The following MDFIC variants were observed in gnomAD, a reference collection of about 807,000 sequenced individuals.
MDFIC encodes MyoD family inhibitor domain containing, also known as myoD family inhibitor domain-containing protein.
MDFIC carries 17 observed loss-of-function variants against 23.2 expected under a neutral mutation model. The ratio of observed to expected loss-of-function variants is 0.73; its 90% CI spans 0.50 to 1.10. The LOEUF (loss-of-function observed/expected upper bound fraction) is 1.10. Ranked by LOEUF, MDFIC falls within the 50% of genes least tolerant of loss-of-function variation. The pLI is 0.00. For synonymous variants in MDFIC, 120 were observed against 115.2 expected, an observed-to-expected ratio of 1.04 and a Z score of -0.27; for missense variants, 356 against 316.6, an observed-to-expected ratio of 1.12 and a Z score of -0.95.
chr7:114,946,633 C>A (rs562796396), intron 3 of MDFIC, among the ~76,000 whole-genome samples: 1 of 152,236 alleles, frequency 6.6e-6, no homozygotes, highest in South Asian at 2.1e-4. Context: ...AAATGGTAAT[C>A]CCCATTCTAT....
At position 114,970,478 on chromosome 7, in the gene MDFIC, G is replaced by A. The variant is rs557576267; in HGVS notation, c.218-9028G>A. 3.6e-4 allele frequency among the ~76,000 whole-genome samples: 55 copies of A among 152,138 alleles called. 1 individual carries two copies. The highest frequency in any genetic ancestry group is 1.3e-3 in the African/African-American group (54 of 41,526). On this transcript the variant is annotated intron_variant, in intron 3 of 4. Transcript: ENST00000393486. The stretch of plus-strand genomic sequence containing the variant: ...TGTCAAATAATGATCTTTGACTCTG[G>A]TCCCTTGCTTTACCACTTTCGTTTT...
At chr7:114,997,875 T>C (rs1269095336) in intron 4 of MDFIC, among the ~76,000 whole-genome samples, 2 of 152,210 alleles carry the variant, frequency 1.3e-5, no homozygotes, top group Admixed American at 6.5e-5. Flanking sequence ...CACTATTTTT[T>C]ACAGTGACTT....
At chr7:114,938,784 T>G (rs1792482508) in intron 2 of MDFIC, among the ~76,000 whole-genome samples, 1 of 35,850 alleles carries the variant, frequency 2.8e-5, no homozygotes, top group Non-Finnish European at 5.3e-5. Context: ...TGTCTATGGG[T>G]TGTCTTTCAG....
chr7:114,990,819 G>A (rs950236667), intron 4 of MDFIC, among the ~76,000 whole-genome samples: 2 of 152,162 alleles, frequency 1.3e-5, no homozygotes, highest in African/African-American at 4.8e-5. Flanking sequence ...ACATGTGCAT[G>A]TGTCTTTATA....
intron 4 of MDFIC, among the ~76,000 whole-genome samples, chr7:114,993,595 T>C (rs1791239621): frequency 6.6e-6 from 1 of 152,232 alleles, no homozygotes; most frequent in Non-Finnish European, 1.5e-5. Flanking sequence ...TGCCTTCATT[T>C]AACAAAATGT....
rs186558618 is a variant in MDFIC, at chr7:114,994,243, C to T, written c.493+14462C>T. Among the ~76,000 whole-genome samples the T allele has an allele frequency of 2.4e-4, 36 of 151,652 alleles. 1 individual carries two copies. The highest frequency in any genetic ancestry group is 6.2e-4 in the South Asian group (3 of 4,804). ...CCCTTTATTTTGAGCCTATGTGTGT[C>T]TCTGCATGTGAGATGGGGCTCCTGA... On this transcript the variant is annotated intron_variant, in intron 4 of 4. Coordinates refer to ENST00000393486, the MANE Select transcript of MDFIC (RefSeq NM_001166345.3).
chr7:115,008,933 T>C (rs2116122133), intron 4 of MDFIC, among the ~76,000 whole-genome samples: 1 of 152,272 alleles, frequency 6.6e-6, no homozygotes, highest in African/African-American at 2.4e-5. Flanking sequence ...ACTGGGCAGG[T>C]GATAGTCGTA....
At chr7:114,973,390 T>C (rs1793246956) in intron 3 of MDFIC, among the ~76,000 whole-genome samples, 1 of 152,074 alleles carries the variant, frequency 6.6e-6, no homozygotes, top group African/African-American at 2.4e-5. Context: ...TGCTGCCAAC[T>C]GCAAAAAACA....
intron 3 of MDFIC, among the ~76,000 whole-genome samples, chr7:114,950,320 G>A (rs1012720961): frequency 6.6e-6 from 1 of 152,118 alleles, no homozygotes; most frequent in Non-Finnish European, 1.5e-5. Flanking sequence ...AGGATTAAAG[G>A]AATGACAGGT....
chr7:115,004,594 T>C (rs2116099801), intron 4 of MDFIC, among the ~76,000 whole-genome samples: 1 of 152,376 alleles, frequency 6.6e-6, no homozygotes, highest in East Asian at 1.9e-4. Flanking sequence ...TTCCTTGATC[T>C]TTGTCTCTGA....
chr7:115,005,703 G>A (rs1165091688), intron 4 of MDFIC, among the ~76,000 whole-genome samples: 1 of 152,100 alleles, frequency 6.6e-6, no homozygotes, highest in Non-Finnish European at 1.5e-5. Context: ...TTCATAGATC[G>A]TTTTTAGCTC....
At chr7:114,965,850 A>G (rs964091538) in intron 3 of MDFIC, among the ~76,000 whole-genome samples, 9 of 152,064 alleles carry the variant, frequency 5.9e-5, no homozygotes. Context: ...CTTACATTTT[A>G]TCCTTGTATT....
Position 115,014,127 on chromosome 7 carries a change from T to C in MDFIC, c.494-1561T>C, listed in dbSNP as rs185587768. 66 of 985,408 alleles carry C rather than the reference T, an allele frequency of 6.7e-5. No individual in the cohort carries two copies. In the East Asian group the frequency reaches 5.4e-3, roughly 81 times the overall value. The allele number at this position is 985,408 out of a possible 1,614,324, so 61.0% of individuals were successfully genotyped here. A position where few individuals can be genotyped will look rare whatever the true frequency, so the allele number is the denominator to read the frequency against. On this transcript the variant is annotated intron_variant, in intron 4 of 4. Coordinates refer to ENST00000393486, the MANE Select transcript of MDFIC (RefSeq NM_001166345.3). The stretch of plus-strand genomic sequence containing the variant: ...TTTTCACCATCTGCCAAGTGGAGTG[T>C]ATGACTTTGTGTTTCCACATTTTCT...
At chr7:114,990,158 C>T (rs1263279020) in intron 4 of MDFIC, among the ~76,000 whole-genome samples, 2 of 152,120 alleles carry the variant, frequency 1.3e-5, no homozygotes, top group Non-Finnish European at 2.9e-5. Context: ...CATTGAATTA[C>T]TATCACAAAG....
intron 4 of MDFIC, among the ~76,000 whole-genome samples, chr7:114,997,408 ATG>A (rs148976289): frequency 2.0e-4 from 30 of 149,372 alleles, no homozygotes; most frequent in Non-Finnish European, 2.2e-4. Context: ...GCATGCGTGC[ATG>A]TGTGTGTGTG....
chr7:114,986,825 T>C (rs34264986), intron 4 of MDFIC, among the ~76,000 whole-genome samples: 11,907 of 152,340 alleles, frequency 0.078, 560 homozygotes, highest in South Asian at 0.15. Flanking sequence ...TATTAATCTA[T>C]TGATCTGTTA....
chr7:114,993,740 A>G (rs1463119095), intron 4 of MDFIC, among the ~76,000 whole-genome samples: 2 of 152,136 alleles, frequency 1.3e-5, no homozygotes, highest in East Asian at 1.9e-4. Flanking sequence ...CTGTTCTTTT[A>G]TATTTGCTGA....
intron 4 of MDFIC, among the ~76,000 whole-genome samples, chr7:114,990,094 G>A (rs1408438995): frequency 1.3e-5 from 2 of 152,144 alleles, no homozygotes; most frequent in African/African-American, 4.8e-5. Flanking sequence ...GAAACAGTAG[G>A]TTAATTTTAA....
intron 4 of MDFIC, among the ~76,000 whole-genome samples, chr7:114,983,734 A>AT (rs980408370): frequency 9.9e-5 from 15 of 151,016 alleles, no homozygotes; most frequent in African/African-American, 2.7e-4. Context: ...CGCCTGGCTA[A>AT]TTTTTTTTGT....
Sources: allele counts gnomAD v4.1 joint callset (sites outside exome capture counted in the v4.1 genomes callset), GRCh38; gene constraint gnomAD v4.1.1; transcripts MANE v1.5; gene names NCBI Gene and HGNC (gene_info 2026-07-23, HGNC 2026-07-21).